The following KCNIP1 variants were observed in gnomAD, a reference collection of about 807,000 sequenced individuals.
The protein encoded by KCNIP1 is potassium voltage-gated channel interacting protein 1, also known as A-type potassium channel modulatory protein KCNIP1.
In KCNIP1, 18 loss-of-function variants were observed where a neutral mutation model predicts 33.0. The ratio of observed to expected loss-of-function variants is 0.55; its 90% CI spans 0.38 to 0.81. KCNIP1 has a LOEUF of 0.81. KCNIP1 is among the 30% of genes least tolerant of loss of function. KCNIP1 has a pLI of 0.00. For synonymous variants in KCNIP1, 93 were observed against 98.3 expected, an observed-to-expected ratio of 0.95 and a Z score of 0.32; for missense variants, 238 against 271.6, an observed-to-expected ratio of 0.88 and a Z score of 0.87.
chr5:170,640,796 A>G lies in KCNIP1; in HGVS notation c.62-77962A>G, dbSNP rs577759458. On this transcript the variant is annotated intron_variant, in intron 1 of 7. Transcript: ENST00000328939. ...ACGCCTTCTTGTCTGGAGAACTGTA[A>G]ATCTTGGAAACATCTTGCAAGGGGG... 2.0e-5 allele frequency among the ~76,000 whole-genome samples: 3 copies of G among 152,254 alleles called. No homozygotes were observed. In the South Asian group the frequency reaches 6.2e-4, roughly 32 times the overall value.
intron 1 of KCNIP1, among the ~76,000 whole-genome samples, chr5:170,607,008 G>A (rs1758947883): frequency 1.3e-5 from 2 of 152,204 alleles, no homozygotes; most frequent in Admixed American, 1.3e-4. Context: ...GCCCCTGAGA[G>A]TTCCTTTCCC....
chr5:170,473,085 C>T (rs1383166145), intron 1 of KCNIP1, among the ~76,000 whole-genome samples: 1 of 152,154 alleles, frequency 6.6e-6, no homozygotes, highest in Non-Finnish European at 1.5e-5. Flanking sequence ...GCATCCACAC[C>T]TACATCTACT....
At chr5:170,383,192 G>A (rs1316387434) in intron 1 of KCNIP1, 1 of 232,744 alleles carries the variant, frequency 4.3e-6, no homozygotes, top group Non-Finnish European at 8.4e-6. Flanking sequence ...GTTTATGGAG[G>A]TTACTCCAGC....
At chr5:170,495,793 G>A (rs899424681) in intron 1 of KCNIP1, among the ~76,000 whole-genome samples, 59 of 152,308 alleles carry the variant, frequency 3.9e-4, no homozygotes, top group African/African-American at 1.1e-3. Flanking sequence ...AAGGAGCCCC[G>A]GTTAATATCT....
chr5:170,700,761 C>T (rs773360209), intron 1 of KCNIP1, among the ~76,000 whole-genome samples: 6 of 152,140 alleles, frequency 3.9e-5, no homozygotes, highest in Non-Finnish European at 7.3e-5. Flanking sequence ...GGGACACGCA[C>T]ACAATAGAAA....
intron 1 of KCNIP1, among the ~76,000 whole-genome samples, chr5:170,454,600 T>A (rs183465898): frequency 2.6e-4 from 40 of 152,352 alleles, no homozygotes; most frequent in Admixed American, 2.4e-3. Context: ...AACTTCCTGA[T>A]GATCATATGA....
At chr5:170,662,979 CTT>C (rs941613140) in intron 1 of KCNIP1, among the ~76,000 whole-genome samples, 1 of 152,210 alleles carries the variant, frequency 6.6e-6, no homozygotes, top group Non-Finnish European at 1.5e-5. Flanking sequence ...GTGCTCTTCT[CTT>C]TTTCTTGGCA....
At chr5:170,367,979 A>G (rs1763739892) in intron 1 of KCNIP1, among the ~76,000 whole-genome samples, 1 of 152,274 alleles carries the variant, frequency 6.6e-6, no homozygotes, top group Non-Finnish European at 1.5e-5. Flanking sequence ...CTAAGTGTCA[A>G]TGGAAAAAAT....
At chr5:170,372,384 A>G (rs1763868759) in intron 1 of KCNIP1, among the ~76,000 whole-genome samples, 1 of 152,102 alleles carries the variant, frequency 6.6e-6, no homozygotes, top group African/African-American at 2.4e-5. Context: ...AGGGGGTTTT[A>G]TGAAGATTTC....
chr5:170,636,004 G>A (rs1329166279), intron 1 of KCNIP1, among the ~76,000 whole-genome samples: 1 of 152,234 alleles, frequency 6.6e-6, no homozygotes, highest in Admixed American at 6.5e-5. Flanking sequence ...CATGAGACAG[G>A]CAAGTTCTCC....
intron 1 of KCNIP1, among the ~76,000 whole-genome samples, chr5:170,532,745 C>T (rs1755828341): frequency 6.6e-6 from 1 of 152,190 alleles, no homozygotes; most frequent in African/African-American, 2.4e-5. Context: ...CTGCCTCCCC[C>T]TGCCCTGGAC....
intron 1 of KCNIP1, among the ~76,000 whole-genome samples, chr5:170,369,842 C>T (rs918097381): frequency 6.6e-6 from 1 of 152,310 alleles, no homozygotes; most frequent in Admixed American, 6.5e-5. Flanking sequence ...CTACCTCGCA[C>T]TGGAAGGATT....
intron 1 of KCNIP1, among the ~76,000 whole-genome samples, chr5:170,392,549 A>G (rs1485589466): frequency 6.6e-6 from 1 of 152,228 alleles, no homozygotes; most frequent in African/African-American, 2.4e-5. Context: ...TAGGTAGGGC[A>G]TGGTGGCTCA....
chr5:170,708,387 G>T (rs1366990569), intron 1 of KCNIP1, among the ~76,000 whole-genome samples: 1 of 152,140 alleles, frequency 6.6e-6, no homozygotes, highest in East Asian at 1.9e-4. Context: ...GCAAATACTA[G>T]GAATACAATT....
At chr5:170,508,396 C>T (rs892945243) in intron 1 of KCNIP1, among the ~76,000 whole-genome samples, 1 of 152,172 alleles carries the variant, frequency 6.6e-6, no homozygotes, top group African/African-American at 2.4e-5. Context: ...GATCAATGAG[C>T]ACCTCAGGGA....
intron 5 of KCNIP1, among the ~76,000 whole-genome samples, chr5:170,729,049 A>G (rs2113889880): frequency 6.6e-6 from 1 of 152,202 alleles, no homozygotes; most frequent in East Asian, 1.9e-4. Flanking sequence ...TCATTAAATG[A>G]TTCTTGGAAA....
At chr5:170,398,023 G>A (rs2113378774) in intron 1 of KCNIP1, among the ~76,000 whole-genome samples, 1 of 152,302 alleles carries the variant, frequency 6.6e-6, no homozygotes, top group South Asian at 2.1e-4. Flanking sequence ...TGCAGATGAA[G>A]CCTCCAGGAA....
intron 1 of KCNIP1, among the ~76,000 whole-genome samples, chr5:170,367,369 GAAAGAAAGAAAGA>G: frequency 1.1e-5 from 1 of 94,490 alleles, no homozygotes; most frequent in African/African-American, 4.5e-5. Flanking sequence ...AAGAAAGAAA[GAAAGAAAGAAAGA>G]AAGAAAGAAA....
In KCNIP1 at chr5:170,504,672, T is replaced by G; in HGVS notation, c.61+39T>G. 1 of 1,575,296 alleles carries G rather than the reference T, an allele frequency of 6.3e-7. No homozygotes were observed. On this transcript the variant is annotated intron_variant, in intron 1 of 7. Coordinates refer to ENST00000328939, the MANE Select transcript of KCNIP1 (RefSeq NM_014592.4). This position sits in a 1 kb window ranked among gnomAD's most constrained non-coding sequence, Gnocchi z 6.0. The stretch of plus-strand genomic sequence containing the variant: ...TTCCTTTTGTTCCCCTGTCTGGGCT[T>G]GGGGGTGCTAGGCGCCGAGGTGGGC...
Sources: allele counts gnomAD v4.1 joint callset (sites outside exome capture counted in the v4.1 genomes callset), GRCh38; gene constraint gnomAD v4.1.1; non-coding constraint Gnocchi (gnomAD v3.1); transcripts MANE v1.5; gene names NCBI Gene and HGNC (gene_info 2026-07-23, HGNC 2026-07-21).